RBFOX1: variants seen among roughly 807,000 people sequenced by gnomAD.
RBFOX1 encodes RNA binding fox-1 homolog 1, also known as RNA binding protein fox-1 homolog 1.
In RBFOX1, 8 loss-of-function variants were observed where a neutral mutation model predicts 57.7. The observed-to-expected ratio is 0.14, with a 90% CI of 0.08 to 0.25. The LOEUF (loss-of-function observed/expected upper bound fraction) is 0.25, where lower values mean the gene tolerates loss of function less well. RBFOX1 is among the 10% of genes least tolerant of loss of function. The pLI, the probability that RBFOX1 is intolerant of heterozygous loss-of-function variation, is 1.00. For missense variants in RBFOX1, 611 were observed against 548.5 expected (o/e 1.11, Z -1.14); for synonymous variants, 326 against 222.4 (o/e 1.47, Z -4.15).
At chr16:6,819,705 CAAAAAAA>C (rs1181614275) in intron 3 of RBFOX1, among the ~76,000 whole-genome samples, 2 of 20,634 alleles carry the variant, frequency 9.7e-5, no homozygotes, top group South Asian at 3.2e-3. Context: ...AACTCTGACT[CAAAAAAA>C]AAAAAAAAAA....
At chr16:6,960,326 C>T (rs537040451) in intron 3 of RBFOX1, among the ~76,000 whole-genome samples, 1 of 152,136 alleles carries the variant, frequency 6.6e-6, no homozygotes, top group East Asian at 1.9e-4. Context: ...TAGACGAATG[C>T]ACACTTACAG....
chr16:6,447,722 A>T (rs1376258146), intron 2 of RBFOX1, among the ~76,000 whole-genome samples: 3 of 152,242 alleles, frequency 2.0e-5, no homozygotes, highest in African/African-American at 4.8e-5. Flanking sequence ...AGCCGCCTGT[A>T]TGCCACACCA....
At chr16:6,799,855 G>A (rs952156676) in intron 3 of RBFOX1, among the ~76,000 whole-genome samples, 35 of 152,108 alleles carry the variant, frequency 2.3e-4, no homozygotes, top group Admixed American at 1.2e-3. Flanking sequence ...CAGCTTCCCT[G>A]CTTTTAAGGT....
At chr16:6,859,187 A>ATATATATATGTATATATATG (rs2058561006) in intron 3 of RBFOX1, among the ~76,000 whole-genome samples, 2 of 64,010 alleles carry the variant, frequency 3.1e-5, no homozygotes, top group African/African-American at 1.5e-4. Flanking sequence ...ATATATATGT[A>ATATATATATGTATATATATG]TATATATATG....
chr16:7,303,499 G>C (rs1175082217), intron 4 of RBFOX1, among the ~76,000 whole-genome samples: 1 of 152,236 alleles, frequency 6.6e-6, no homozygotes, highest in East Asian at 1.9e-4. Context: ...CGGGGCGCTC[G>C]CTCGCCTGCT....
At chr16:5,895,330 C>G (rs1427601543) in intron 4 of RBFOX1, among the ~76,000 whole-genome samples, 2 of 152,332 alleles carry the variant, frequency 1.3e-5, no homozygotes, top group East Asian at 3.9e-4. Context: ...AAATGGATGA[C>G]TCACATGCCC....
chr16:5,748,699 C>T (rs1167476952), intron 3 of RBFOX1, among the ~76,000 whole-genome samples: 5 of 152,098 alleles, frequency 3.3e-5, no homozygotes, highest in Non-Finnish European at 7.4e-5. Context: ...GCAACCCCTG[C>T]CTTTTTTGTT....
At chr16:5,702,355 A>G (rs990444552) in intron 3 of RBFOX1, among the ~76,000 whole-genome samples, 3 of 152,196 alleles carry the variant, frequency 2.0e-5, no homozygotes, top group African/African-American at 7.2e-5. Context: ...ACTCACTATC[A>G]TGAGATAACA....
chr16:6,594,774 G>A lies in RBFOX1; in HGVS notation c.-63-59829G>A, dbSNP rs568043538. 1.4e-4 allele frequency among the ~76,000 whole-genome samples: 22 copies of A among 152,078 alleles called. No homozygotes were observed. The South Asian group carries it at 4.4e-3, about 30-fold the overall frequency. On this transcript the variant is annotated intron_variant, in intron 2 of 15. Transcript: ENST00000550418. ...GCCACAAAATTCACCTATTTAAAGT[G>A]TACACTTCAGTGTTTTTTGTTGGTT... is the stretch of plus-strand genomic sequence containing the variant.
At chr16:5,562,943 A>G (rs1446677026) in intron 2 of RBFOX1, among the ~76,000 whole-genome samples, 3 of 152,050 alleles carry the variant, frequency 2.0e-5, no homozygotes, top group Admixed American at 2.0e-4. Context: ...ACTATGTAAA[A>G]TAGGGCTGTA....
At chr16:7,086,621 G>C (rs373046292) in intron 4 of RBFOX1, among the ~76,000 whole-genome samples, 1 of 151,998 alleles carries the variant, frequency 6.6e-6, no homozygotes, top group African/African-American at 2.4e-5. Context: ...CTTCCAAGCC[G>C]ATGGATTTTG....
intron 3 of RBFOX1, among the ~76,000 whole-genome samples, chr16:6,676,500 A>G (rs1406038220): frequency 1.3e-5 from 2 of 152,220 alleles, no homozygotes; most frequent in East Asian, 3.9e-4. Flanking sequence ...TTGGGAATGA[A>G]AACTTTGACT....
intron 4 of RBFOX1, among the ~76,000 whole-genome samples, chr16:5,912,553 T>C (rs1244170176): frequency 6.6e-6 from 1 of 152,214 alleles, no homozygotes; most frequent in Non-Finnish European, 1.5e-5. Context: ...TATGCCAAAG[T>C]CATTTTCCTA....
At chr16:6,747,443 T>TCTGTCTGTCTGTC (rs1215085649) in intron 3 of RBFOX1, among the ~76,000 whole-genome samples, 1 of 127,872 alleles carries the variant, frequency 7.8e-6, no homozygotes, top group African/African-American at 3.0e-5. Context: ...AGTCAGTCAG[T>TCTGTCTGTCTGTC]TAGTCTGTCT....
At chr16:7,598,709 T>C (rs189612294) in intron 9 of RBFOX1, among the ~76,000 whole-genome samples, 2 of 152,332 alleles carry the variant, frequency 1.3e-5, no homozygotes, top group African/African-American at 4.8e-5. Context: ...ATGTGAATGA[T>C]ATAAGGATAC....
intron 11 of RBFOX1, among the ~76,000 whole-genome samples, chr16:7,636,122 T>G (rs2061714765): frequency 6.6e-6 from 1 of 152,244 alleles, no homozygotes; most frequent in Admixed American, 6.5e-5. Context: ...AGCTACCTCT[T>G]TTTCTATTCC....
intron 2 of RBFOX1, among the ~76,000 whole-genome samples, chr16:5,561,767 C>T (rs1343477386): frequency 6.6e-6 from 1 of 152,074 alleles, no homozygotes; most frequent in African/African-American, 2.4e-5. Flanking sequence ...GTGAGAGGGT[C>T]ACTTGTTCTA....
rs148904769 is a variant in RBFOX1, at chr16:5,641,410, T to G, written c.318+42449T>G. ...TGCTGCAGTGTCCAGTAGTAGTAAG[T>G]GCTACAAACAACTGCAAAGCAGGCT... is the stretch of plus-strand genomic sequence containing the variant. On this transcript the variant is annotated intron_variant, in intron 3 of 19. Coordinates refer to the RBFOX1 transcript ENST00000641259. Among the ~76,000 whole-genome samples, 477 of 152,302 alleles carry G rather than the reference T, an allele frequency of 3.1e-3. 4 individuals carry two copies. Among genetic ancestry groups the G allele is most frequent in the African/African-American group, 9.0e-3 (375 of 41,572 alleles).
chr16:5,908,271 TATAC>T (rs1471206581), intron 4 of RBFOX1, among the ~76,000 whole-genome samples: 3 of 147,098 alleles, frequency 2.0e-5, no homozygotes, highest in African/African-American at 5.0e-5. Context: ...TACACATATA[TATAC>T]ATACATATAT....
Sources: gnomAD v4.1 joint callset for allele counts (sites outside exome capture counted in the v4.1 genomes callset) on GRCh38, gnomAD v4.1.1 for gene constraint, MANE v1.5 for transcripts, NCBI Gene and HGNC (gene_info 2026-07-23, HGNC 2026-07-21) for gene names.